ARHGAP21: variants seen among roughly 807,000 people sequenced by gnomAD.
The protein encoded by ARHGAP21 is Rho GTPase activating protein 21, also known as rho GTPase-activating protein 21.
In ARHGAP21, 38 loss-of-function variants were observed where a neutral mutation model predicts 164.6. That is an observed-to-expected ratio of 0.23 (90% CI 0.18 to 0.30). The LOEUF (loss-of-function observed/expected upper bound fraction) is 0.30. ARHGAP21 is among the 10% of genes least tolerant of loss of function. The probability of loss-of-function intolerance (pLI) is 1.00; values close to 1 mark genes in which losing one functional copy is unlikely to be tolerated. For synonymous variants in ARHGAP21, 766 were observed against 857.9 expected (o/e 0.89, Z 1.87); for missense variants, 1,822 against 2,370.7 (o/e 0.77, Z 4.81).
chr10:24,600,852 T>G lies in ARHGAP21; in HGVS notation c.2926A>C (p.Lys976Gln). 1 of 1,614,212 alleles carries G rather than the reference T, an allele frequency of 6.2e-7. No individual in the cohort carries two copies. Among genetic ancestry groups the G allele is most frequent in the Non-Finnish European group, 8.5e-7 (1 of 1,180,026 alleles). The change falls in exon 14 of 26, where the codon AAA (lysine) becomes CAA (glutamine). Residue 976 changes from lysine to glutamine, a missense_variant. Around this residue, in one of 5 missense-constraint regions of ARHGAP21, gnomAD observed 1,090 missense variants for 1,378.9 expected, o/e 0.79. Transcript: ENST00000396432. ...RGHSLYLYKD[K>Q]REQTTPSEEE... ...TCAGACGGAGTCGTCTGCTCTCTTT[T>G]ATCTTTGTACAGGTAAAGTGAATGA...
chr10:24,661,423 C>T lies in ARHGAP21; in HGVS notation c.268+5562G>A, dbSNP rs113375679. Among the ~76,000 whole-genome samples the T allele has an allele frequency of 8.0e-3, 1,217 of 152,046 alleles. 12 individuals carry two copies. Among genetic ancestry groups the T allele is most frequent in the South Asian group, 0.026 (127 of 4,822 alleles). On this transcript the variant is annotated intron_variant, in intron 4 of 25. Transcript: ENST00000396432. ...AAAATAATCAGAAAATTAAATGGCT[C>T]GGTATTTCTTGGTTGATAAGAAAGA...
chr10:24,631,411 C>T (rs567252084), intron 6 of ARHGAP21, among the ~76,000 whole-genome samples: 1 of 113,708 alleles, frequency 8.8e-6, no homozygotes, highest in Non-Finnish European at 2.0e-5. Flanking sequence ...ATGGCAAAGG[C>T]AGTGCTACTA....
chr10:24,713,765 G>A (rs979611246), intron 2 of ARHGAP21, among the ~76,000 whole-genome samples: 4 of 151,508 alleles, frequency 2.6e-5, no homozygotes, highest in Non-Finnish European at 5.9e-5. Flanking sequence ...TAGCCACCAC[G>A]TCCAGCCCAC....
chr10:24,658,740 A>T (rs1328448994), intron 4 of ARHGAP21, among the ~76,000 whole-genome samples: 4 of 152,174 alleles, frequency 2.6e-5, no homozygotes, highest in African/African-American at 9.7e-5. Flanking sequence ...TGACGAGTTA[A>T]CGGGTGCAGC....
At chr10:24,661,026 G>A (rs1424556116) in intron 4 of ARHGAP21, among the ~76,000 whole-genome samples, 1 of 151,870 alleles carries the variant, frequency 6.6e-6, no homozygotes, top group African/African-American at 2.4e-5. Flanking sequence ...GCTGCCGAAA[G>A]ACTCACTGAA....
At chr10:24,670,175 C>T (rs369528244) in intron 3 of ARHGAP21, 43 bp downstream of exon 3, 19 of 1,435,286 alleles carry the variant, frequency 1.3e-5, no homozygotes, top group Non-Finnish European at 1.3e-5. Flanking sequence ...ATAGGAATGG[C>T]CTTGTGGTTT....
At chr10:24,668,406 T>A (rs1286287239) in intron 3 of ARHGAP21, among the ~76,000 whole-genome samples, 1 of 152,174 alleles carries the variant, frequency 6.6e-6, no homozygotes, top group Non-Finnish European at 1.5e-5. Flanking sequence ...GATTCACAGG[T>A]GTGCCCACAT....
At chr10:24,645,735 T>C (rs1378393888) in intron 4 of ARHGAP21, among the ~76,000 whole-genome samples, 1 of 152,232 alleles carries the variant, frequency 6.6e-6, no homozygotes, top group Non-Finnish European at 1.5e-5. Context: ...ATTAGATGTA[T>C]ATGTGCCAGG....
At chr10:24,682,469 G>A (rs577227352) in intron 2 of ARHGAP21, among the ~76,000 whole-genome samples, 244 of 152,272 alleles carry the variant, frequency 1.6e-3, no homozygotes, top group African/African-American at 5.6e-3. Flanking sequence ...TAATGCCACA[G>A]AGATCAATCT....
chr10:24,586,174 T>G, intron 25 of ARHGAP21, 68 bp from the exon 26 acceptor site: 1 of 1,463,532 alleles, frequency 6.8e-7, no homozygotes, highest in Non-Finnish European at 9.0e-7. Flanking sequence ...CTGACAAGCT[T>G]GTCTCCCAAA....
chr10:24,611,639 G>A (rs1419940679), intron 9 of ARHGAP21, among the ~76,000 whole-genome samples: 1 of 151,974 alleles, frequency 6.6e-6, no homozygotes, highest in Non-Finnish European at 1.5e-5. Flanking sequence ...GGGAGGTGGA[G>A]GCTGCAGTGA....
intron 14 of ARHGAP21, among the ~76,000 whole-genome samples, chr10:24,599,756 T>C (rs2076734377): frequency 6.6e-6 from 1 of 152,196 alleles, no homozygotes; most frequent in Admixed American, 6.5e-5. Flanking sequence ...AAAACTATCT[T>C]TACTATTGAA....
At chr10:24,688,215 A>C (rs747576660) in intron 2 of ARHGAP21, among the ~76,000 whole-genome samples, 14 of 152,116 alleles carry the variant, frequency 9.2e-5, no homozygotes, top group Non-Finnish European at 1.8e-4. Context: ...ACATGGCGAA[A>C]CCCCATCTCT....
rs529421329 is a variant in ARHGAP21 at position 24,676,183 on chromosome 10, T to C, written c.64-5786A>G. ...AACAAAAAACCCTAAAAAGTAAAAA[T>C]GATTCTAGAATTTAACACTGGAAAA... On this transcript the variant is annotated intron_variant, in intron 2 of 25. Transcript: ENST00000396432. Among the ~76,000 whole-genome samples, 27 of 152,264 alleles carry C rather than the reference T, an allele frequency of 1.8e-4. No individual in the cohort carries two copies. The South Asian group carries it at 5.6e-3, about 32-fold the overall frequency.
At chr10:24,714,803 A>G (rs1165155792) in intron 2 of ARHGAP21, among the ~76,000 whole-genome samples, 4 of 152,238 alleles carry the variant, frequency 2.6e-5, no homozygotes, top group Non-Finnish European at 5.9e-5. Context: ...GGGAGGCCAC[A>G]GTAGGCAGAT....
At chr10:24,635,222 T>A (rs915050984) in intron 4 of ARHGAP21, 119 bp from the exon 5 acceptor site, 13 of 574,170 alleles carry the variant, frequency 2.3e-5, no homozygotes, top group Admixed American at 3.6e-5. Context: ...TAAATACATA[T>A]CCTGAATTTG....
At chr10:24,700,731 A>C (rs1192816774) in intron 2 of ARHGAP21, among the ~76,000 whole-genome samples, 1 of 152,232 alleles carries the variant, frequency 6.6e-6, no homozygotes, top group African/African-American at 2.4e-5. Context: ...TAATTTTTAA[A>C]AGGATGATAC....
At chr10:24,706,382 A>T (rs1380778164) in intron 2 of ARHGAP21, 4 of 152,248 alleles carry the variant, frequency 2.6e-5, no homozygotes, top group South Asian at 4.1e-4. Context: ...CAAAAAAAAA[A>T]TTCTAAAAGA....
chr10:24,606,181 C>G (rs915933784), intron 11 of ARHGAP21, among the ~76,000 whole-genome samples: 1 of 151,694 alleles, frequency 6.6e-6, no homozygotes, highest in Non-Finnish European at 1.5e-5. Context: ...TACAATATGA[C>G]TCAAAATTCA....
Sources: allele counts gnomAD v4.1 joint callset (sites outside exome capture counted in the v4.1 genomes callset), GRCh38; gene constraint gnomAD v4.1.1; regional missense constraint gnomAD v4.1.1; transcripts MANE v1.5; gene names NCBI Gene and HGNC (gene_info 2026-07-23, HGNC 2026-07-21).